Variants in BCKDHB observed in about 807,000 individuals in gnomAD.
BCKDHB encodes 2-oxoisovalerate dehydrogenase subunit beta, mitochondrial.
In BCKDHB, 41 loss-of-function variants were observed where a neutral mutation model predicts 48.5. The observed-to-expected ratio is 0.85, with a 90% CI of 0.66 to 1.10. BCKDHB has a LOEUF of 1.10. Ranked by LOEUF, BCKDHB falls within the 50% of genes least tolerant of loss-of-function variation. The pLI is 0.00. For synonymous variants in BCKDHB, 201 were observed against 174.8 expected (o/e 1.15, Z -1.18); for missense variants, 496 against 494.2 (o/e 1.00, Z -0.03).
intron 6 of BCKDHB, among the ~76,000 whole-genome samples, chr6:80,173,633 C>T (rs754429355): frequency 1.3e-5 from 2 of 152,090 alleles, no homozygotes; most frequent in East Asian, 1.9e-4. Flanking sequence ...CTCAAGTTTG[C>T]GAAACACTGC....
chr6:80,380,499 A>G, the BCKDHB span, among the ~76,000 whole-genome samples: 4 of 151,916 alleles, frequency 2.6e-5, no homozygotes, highest in African/African-American at 9.7e-5. Context: ...GAAAATCTAG[A>G]AAAAACTCTT....
intron 9 of BCKDHB, among the ~76,000 whole-genome samples, chr6:80,322,889 CTTTTTTCT>C (rs1181330352): frequency 1.7e-5 from 2 of 116,634 alleles, no homozygotes; most frequent in South Asian, 3.5e-4. Flanking sequence ...CTTTTTTTTT[CTTTTTTCT>C]TTTTTTTTTT....
intron 9 of BCKDHB, among the ~76,000 whole-genome samples, chr6:80,274,583 A>G (rs1020953771): frequency 6.6e-6 from 1 of 152,024 alleles, no homozygotes; most frequent in Non-Finnish European, 1.5e-5. Context: ...GACTGTTGCT[A>G]ATTGAAACTT....
chr6:80,234,639 A>C (rs1776070732), intron 8 of BCKDHB, among the ~76,000 whole-genome samples: 1 of 152,164 alleles, frequency 6.6e-6, no homozygotes, highest in Non-Finnish European at 1.5e-5. Flanking sequence ...AGACTCCCAG[A>C]AAACTAAAAA....
chr6:80,269,049 AT>A (rs1777626473), intron 8 of BCKDHB, among the ~76,000 whole-genome samples: 1 of 152,156 alleles, frequency 6.6e-6, no homozygotes, highest in Admixed American at 6.6e-5. Flanking sequence ...AAGTTAAACG[AT>A]TTGTTTTAAT....
the BCKDHB span, among the ~76,000 whole-genome samples, chr6:80,412,109 A>G: frequency 6.7e-6 from 1 of 150,096 alleles, no homozygotes; most frequent in Non-Finnish European, 1.5e-5. Context: ...TCAAGAATCC[A>G]TGTCCACCAC....
At chr6:80,221,709 A>G (rs986808793) in intron 8 of BCKDHB, among the ~76,000 whole-genome samples, 14 of 152,174 alleles carry the variant, frequency 9.2e-5, no homozygotes, top group African/African-American at 2.4e-4. Flanking sequence ...ATAAGGCCCA[A>G]TTTGAACTTA....
At chr6:80,279,645 GTGT>G (rs1276850488) in intron 9 of BCKDHB, among the ~76,000 whole-genome samples, 1 of 151,286 alleles carries the variant, frequency 6.6e-6, no homozygotes, top group Non-Finnish European at 1.5e-5. Flanking sequence ...CAGTCTTCCA[GTGT>G]TATTTCTCAC....
intron 8 of BCKDHB, among the ~76,000 whole-genome samples, chr6:80,236,249 T>A (rs752389133): frequency 6.6e-6 from 1 of 152,228 alleles, no homozygotes; most frequent in African/African-American, 2.4e-5. Context: ...TTATGGTTAT[T>A]TGATTACATG....
chr6:80,156,385 C>T (rs1272009159), intron 3 of BCKDHB, among the ~76,000 whole-genome samples: 4 of 152,018 alleles, frequency 2.6e-5, no homozygotes, highest in African/African-American at 9.7e-5. Context: ...CTAGGAGCAT[C>T]CCTGCTTGCC....
chr6:80,323,522 G>A (rs1400367168), intron 9 of BCKDHB, among the ~76,000 whole-genome samples: 1 of 152,084 alleles, frequency 6.6e-6, no homozygotes, highest in Admixed American at 6.5e-5. Flanking sequence ...ACATTCTAGC[G>A]TATAGACCAA....
intron 8 of BCKDHB, among the ~76,000 whole-genome samples, chr6:80,239,697 T>C (rs1205589832): frequency 1.3e-5 from 2 of 152,170 alleles, no homozygotes; most frequent in African/African-American, 2.4e-5. Flanking sequence ...TCCTGAATAG[T>C]ATTGCCTAGG....
the BCKDHB span, among the ~76,000 whole-genome samples, chr6:80,401,300 C>T: frequency 1.3e-5 from 2 of 151,802 alleles, no homozygotes; most frequent in South Asian, 4.1e-4. Context: ...ATATATGCCT[C>T]TCAATGAGTC....
intron 4 of BCKDHB, 25 bp from the exon 5 acceptor site, chr6:80,168,850 C>T (rs1240418666): frequency 6.2e-7 from 1 of 1,612,182 alleles, no homozygotes; most frequent in East Asian, 2.2e-5. Context: ...TTGTGCCATG[C>T]CCCGTCTTTC....
At chr6:80,325,086 T>G (rs1768965364) in intron 9 of BCKDHB, among the ~76,000 whole-genome samples, 1 of 152,192 alleles carries the variant, frequency 6.6e-6, no homozygotes, top group Admixed American at 6.5e-5. Context: ...TAGAAAGTAC[T>G]ATATAGTACT....
rs75564167 is a variant in BCKDHB at position 80,200,915 on chromosome 6, T to C, written c.743-19T>C. On this transcript the variant is annotated intron_variant, in intron 6 of 9. Coordinates refer to ENST00000320393, the MANE Select transcript of BCKDHB (RefSeq NM_183050.4). ...CTCAGAAAAAATGTCCTTTTTTTTT[T>C]TTCCTGTTCTGTATTTAGCGGAAGA... The C allele has an allele frequency of 1.9e-6, 3 of 1,572,908 alleles. No individual in the cohort carries two copies. Among genetic ancestry groups the C allele is most frequent in the Admixed American group, 1.7e-5 (1 of 59,878 alleles).
the BCKDHB span, among the ~76,000 whole-genome samples, chr6:80,433,898 GA>G: frequency 1.3e-5 from 2 of 152,084 alleles, no homozygotes. Flanking sequence ...ATCATATTTG[GA>G]AATTTTTTTG....
chr6:80,282,807 C>G (rs1262688772), intron 9 of BCKDHB, among the ~76,000 whole-genome samples: 1 of 151,960 alleles, frequency 6.6e-6, no homozygotes, highest in Non-Finnish European at 1.5e-5. Flanking sequence ...ATACATGTCA[C>G]TTTTTTAATA....
chr6:80,253,963 T>G (rs1776943429), intron 8 of BCKDHB, among the ~76,000 whole-genome samples: 1 of 151,952 alleles, frequency 6.6e-6, no homozygotes, highest in Non-Finnish European at 1.5e-5. Context: ...TTAAGCAACA[T>G]TTCATAATAA....
Sources: gnomAD v4.1 joint callset for allele counts (sites outside exome capture counted in the v4.1 genomes callset) on GRCh38, gnomAD v4.1.1 for gene constraint, MANE v1.5 for transcripts, NCBI Gene and HGNC (gene_info 2026-07-23, HGNC 2026-07-21) for gene names.